The following CIBAR2 variants were observed in gnomAD, a reference collection of about 807,000 sequenced individuals.
CIBAR2 encodes the protein CBY1 interacting BAR domain containing 2, also known as CBY1-interacting BAR domain-containing protein 2.
A neutral mutation model predicts 36.2 loss-of-function variants in CIBAR2; 38 were observed. The ratio of observed to expected loss-of-function variants is 1.05; its 90% CI spans 0.81 to 1.38. The LOEUF is 1.38. Ranked by LOEUF, CIBAR2 falls within the 40% of genes most tolerant of loss-of-function variation. The pLI is 0.00. For synonymous variants in CIBAR2, 182 were observed against 149.5 expected, an observed-to-expected ratio of 1.22 and a Z score of -1.58; for missense variants, 481 against 383.4, an observed-to-expected ratio of 1.25 and a Z score of -2.13.
At chr16:85,099,988 C>T in intron 8 of CIBAR2, 151 bp downstream of exon 8, 1 of 625,992 alleles carries the variant, frequency 1.6e-6, no homozygotes, top group Non-Finnish European at 2.8e-6. Context: ...CCGGGCAGCC[C>T]TCCATGCTCC....
At position 85,099,269 on chromosome 16, in the gene CIBAR2, G is replaced by A. The variant is rs773026618; in HGVS notation, c.831C>T (p.Leu277=). 8 of 1,613,988 alleles carry A rather than the reference G, an allele frequency of 5.0e-6. No individual in the cohort carries two copies. The highest frequency in any genetic ancestry group is 1.7e-4 in the Middle Eastern group (1 of 6,060). Residue 277 remains leucine (L), a synonymous_variant, in exon 9 of 9, where the codon CTC becomes CTT. Transcript: ENST00000539556. ...GCTGCCCCTTAACCACCCACTCACA[G>A]AGACTAAACCTGCCATGATTGGCAT... ...HPHANHGRFS[L]CEWVVKGQPA...
chr16:85,098,435 T>G lies in CIBAR2; in HGVS notation c.*750A>C. The G allele has an allele frequency of 2.1e-5, 14 of 669,914 alleles. No homozygotes were observed. Among genetic ancestry groups the G allele is most frequent in the Non-Finnish European group, 2.4e-5 (13 of 541,208 alleles). 41.5% of individuals were successfully genotyped at this position (669,914 alleles called of 1,614,324 possible). A position where few individuals can be genotyped will look rare whatever the true frequency, so the allele number is the denominator to read the frequency against. ...CCCCCAGAGCAACCTGTGAAGTGAG[T>G]GATATTGGCCCTGTTGTACAGATGA... On this transcript the variant is annotated 3_prime_UTR_variant, in exon 9 of 9. Coordinates refer to ENST00000539556, the MANE Select transcript of CIBAR2 (RefSeq NM_198491.3).
chr16:85,110,408 A>G lies in CIBAR2; in HGVS notation c.73T>C (p.Phe25Leu). 6.2e-7 allele frequency: 1 copy of G among 1,612,846 alleles called. No individual in the cohort carries two copies. Reference sequence around the variant, plus strand: ...GCCAGCAGCGAGCAGAACTGCCCAAAGTACTTCTCGGTGTTGGCCACGGTA... The same window carrying G: ...GCCAGCAGCGAGCAGAACTGCCCAAGGTACTTCTCGGTGTTGGCCACGGTA... ...ENTVANTEKY[F>L]GQFCSLLAAY... Residue 25 changes from phenylalanine to leucine, a missense_variant, in exon 2 of 9, where the codon TTT becomes CTT. Transcript: ENST00000539556.
chr16:85,111,587 T>G (rs1033577407), intron 1 of CIBAR2, among the ~76,000 whole-genome samples: 4 of 152,200 alleles, frequency 2.6e-5, no homozygotes, highest in African/African-American at 7.2e-5. Context: ...GGCTCACGCC[T>G]GTCATCCCAG....
intron 6 of CIBAR2, among the ~76,000 whole-genome samples, chr16:85,103,309 C>T (rs1359101765): frequency 1.3e-5 from 2 of 152,148 alleles, no homozygotes; most frequent in East Asian, 3.9e-4. Context: ...TCTTGGACTC[C>T]CCAGCCTCCA....
intron 6 of CIBAR2, among the ~76,000 whole-genome samples, chr16:85,104,298 C>T (rs755256309): frequency 6.6e-6 from 1 of 152,186 alleles, no homozygotes; most frequent in African/African-American, 2.4e-5. Context: ...AGGATGAGGC[C>T]GCAGGCCTGA....
Position 85,107,738 on chromosome 16 carries a change from T to C in CIBAR2, c.427-66A>G. 3.1e-6 allele frequency: 5 copies of C among 1,602,686 alleles called. No homozygotes were observed. The South Asian group carries it at 5.5e-5, about 18-fold the overall frequency. On this transcript the variant is annotated intron_variant, in intron 4 of 8. Transcript: ENST00000539556. ...AGCCCCGTTGGGGTGGTCCGCCCCCTTCACAGCCCCTGCCCAGCGGGCCCA... is the reference window on the plus strand; with the variant it reads ...AGCCCCGTTGGGGTGGTCCGCCCCCCTCACAGCCCCTGCCCAGCGGGCCCA...
chr16:85,111,129 C>T (rs1030509231), intron 1 of CIBAR2, among the ~76,000 whole-genome samples: 9 of 152,080 alleles, frequency 5.9e-5, no homozygotes, highest in Admixed American at 3.3e-4. Context: ...CTCCTCACGC[C>T]CTCTCCTTTC....
chr16:85,099,862 C>G (rs1260873943), intron 8 of CIBAR2, among the ~76,000 whole-genome samples: 2 of 141,668 alleles, frequency 1.4e-5, no homozygotes, highest in Non-Finnish European at 3.0e-5. Flanking sequence ...AGGCTGGTCT[C>G]GAACTCCTGA....
intron 6 of CIBAR2, among the ~76,000 whole-genome samples, chr16:85,104,061 T>A (rs2073976083): frequency 6.6e-6 from 1 of 152,232 alleles, no homozygotes; most frequent in African/African-American, 2.4e-5. Flanking sequence ...AACACGTGAA[T>A]TGAATACACA....
chr16:85,101,716 C>G (rs1035304420), intron 7 of CIBAR2, among the ~76,000 whole-genome samples: 3 of 151,198 alleles, frequency 2.0e-5, no homozygotes, highest in Non-Finnish European at 2.9e-5. Flanking sequence ...GTCGCCCAGG[C>G]TGGAGTGCAG....
chr16:85,108,756 C>T (rs28663338), intron 2 of CIBAR2, among the ~76,000 whole-genome samples: 2,498 of 152,240 alleles, frequency 0.016, 52 homozygotes, highest in African/African-American at 0.05. Context: ...TGCCTCTAGT[C>T]CCAGCTGCTT....
At chr16:85,101,921 G>T (rs941378298) in intron 7 of CIBAR2, among the ~76,000 whole-genome samples, 17 of 152,048 alleles carry the variant, frequency 1.1e-4, no homozygotes, top group Admixed American at 9.2e-4. Flanking sequence ...GCCTACCTCG[G>T]CCTCCCAAAG....
At chr16:85,106,630 G>A (rs1468011782) in intron 5 of CIBAR2, among the ~76,000 whole-genome samples, 1 of 152,180 alleles carries the variant, frequency 6.6e-6, no homozygotes, top group Non-Finnish European at 1.5e-5. Flanking sequence ...GAAAAGGCGA[G>A]GGCGCAGACT....
chr16:85,106,280 C>T (rs2073995251), intron 5 of CIBAR2, among the ~76,000 whole-genome samples: 1 of 152,104 alleles, frequency 6.6e-6, no homozygotes, highest in Admixed American at 6.5e-5. Flanking sequence ...CATCCAGCAT[C>T]CCTGGCCTCT....
chr16:85,108,488 C>G (rs1027738860), intron 2 of CIBAR2, among the ~76,000 whole-genome samples: 2 of 152,230 alleles, frequency 1.3e-5, no homozygotes, highest in African/African-American at 4.8e-5. Context: ...AGCCCTGGCC[C>G]CGTCTCCCAA....
rs1822588848 is a variant in CIBAR2, at chr16:85,108,061, C to G, written c.294G>C (p.Lys98Asn). Residue 98 changes from lysine (K) to asparagine (N), a missense_variant, in exon 3 of 9, where the codon AAG (lysine) becomes AAC (asparagine). Lys to Asn is a moderately conservative substitution (Grantham distance 94). Coordinates refer to ENST00000539556, the MANE Select transcript of CIBAR2 (RefSeq NM_198491.3). The stretch of plus-strand genomic sequence containing the variant: ...TCTGCTTGATCTGTGCCCCGTAGAG[C>G]TTCAGGGGGTTGACCACCTTGGTCT... ...RLETKVVNPL[K>N]LYGAQIKQTR... The G allele has an allele frequency of 6.2e-7, 1 of 1,613,346 alleles. No individual in the cohort carries two copies. Among genetic ancestry groups the G allele is most frequent in the Non-Finnish European group, 8.5e-7 (1 of 1,179,504 alleles).
intron 5 of CIBAR2, 69 bp downstream of exon 5, chr16:85,107,598 G>A: frequency 6.5e-7 from 1 of 1,549,832 alleles, no homozygotes; most frequent in Non-Finnish European, 8.9e-7. Flanking sequence ...AGTCTACCTG[G>A]CCGTTTTGTG....
At chr16:85,112,304 C>A (rs2074049237) in intron 1 of CIBAR2, 29 bp downstream of exon 1, 2 of 1,613,036 alleles carry the variant, frequency 1.2e-6, no homozygotes, top group African/African-American at 2.7e-5. Context: ...CCACCTCCCT[C>A]ACAGCCAGGC....
Sources: allele counts gnomAD v4.1 joint callset (sites outside exome capture counted in the v4.1 genomes callset), GRCh38; gene constraint gnomAD v4.1.1; transcripts MANE v1.5; gene names NCBI Gene and HGNC (gene_info 2026-07-23, HGNC 2026-07-21).